The following SEM1 variants were observed in gnomAD, a reference collection of about 807,000 sequenced individuals.
SEM1 encodes the protein SEM1 26S proteasome subunit.
A neutral mutation model predicts 12.7 loss-of-function variants in SEM1; 3 were observed. That is an observed-to-expected ratio of 0.24 (90% CI 0.11 to 0.61). The LOEUF (loss-of-function observed/expected upper bound fraction) is 0.61. Among genes scored for constraint, SEM1 ranks in the 20% least tolerant of loss-of-function variants. The pLI is 0.88. For synonymous variants in SEM1, 30 were observed against 27.8 expected (o/e 1.08, Z -0.25); for missense variants, 59 against 81.3 (o/e 0.73, Z 1.06).
chr7:96,701,954 T>C (rs1399580311), intron 1 of SEM1, among the ~76,000 whole-genome samples: 1 of 152,028 alleles, frequency 6.6e-6, no homozygotes, highest in African/African-American at 2.4e-5. Flanking sequence ...AGGGGCAGCA[T>C]GGTGTGGCTG....
intron 2 of SEM1, among the ~76,000 whole-genome samples, chr7:96,604,271 C>A (rs1807277814): frequency 6.6e-6 from 1 of 152,124 alleles, no homozygotes; most frequent in South Asian, 2.1e-4. Flanking sequence ...ATGATAGGGA[C>A]ATGAGACTTT....
intron 2 of SEM1, among the ~76,000 whole-genome samples, chr7:96,579,144 A>G (rs182501562): frequency 1.1e-4 from 16 of 152,314 alleles, no homozygotes; most frequent in Admixed American, 9.8e-4. Context: ...AACTACCATG[A>G]TGAGATTCCA....
chr7:96,652,310 TGA>T (rs1809025853), intron 2 of SEM1, among the ~76,000 whole-genome samples: 1 of 152,094 alleles, frequency 6.6e-6, no homozygotes, highest in Non-Finnish European at 1.5e-5. Flanking sequence ...ATTTGTTAAA[TGA>T]GAGTGTGTTT....
At chr7:96,485,922 ATG>A (rs1371148437) in intron 2 of SEM1, among the ~76,000 whole-genome samples, 1 of 152,088 alleles carries the variant, frequency 6.6e-6, no homozygotes, top group Non-Finnish European at 1.5e-5. Flanking sequence ...ATGGATTATA[ATG>A]TGGACTTTTT....
At chr7:96,554,861 C>A (rs546060376) in intron 2 of SEM1, among the ~76,000 whole-genome samples, 24 of 150,518 alleles carry the variant, frequency 1.6e-4, no homozygotes, top group South Asian at 4.3e-4. Context: ...TTGATTATTG[C>A]CACAATTTCA....
intron 2 of SEM1, among the ~76,000 whole-genome samples, chr7:96,538,949 A>G (rs1239562830): frequency 6.6e-6 from 1 of 151,888 alleles, no homozygotes; most frequent in African/African-American, 2.4e-5. Flanking sequence ...TTTCAATGTG[A>G]GAACCTGCTA....
chr7:96,675,845 C>T (rs1274438640), intron 2 of SEM1, among the ~76,000 whole-genome samples: 1 of 152,204 alleles, frequency 6.6e-6, no homozygotes, highest in Admixed American at 6.5e-5. Context: ...GAGTTAAAGC[C>T]TCAATAGACT....
chr7:96,588,487 A>G (rs560142517), intron 2 of SEM1, among the ~76,000 whole-genome samples: 1 of 106,616 alleles, frequency 9.4e-6, no homozygotes, highest in African/African-American at 2.7e-5. Context: ...TGATAGGTAT[A>G]TTATTTGATA....
chr7:96,684,643 G>A (rs375430501), downstream of SEM1, among the ~76,000 whole-genome samples: 66 of 152,182 alleles, frequency 4.3e-4, no homozygotes, highest in African/African-American at 1.5e-3. Flanking sequence ...TATATTTTTG[G>A]CTTAAACAAT....
At chr7:96,662,078 T>C (rs1395683400) in intron 2 of SEM1, among the ~76,000 whole-genome samples, 1 of 145,840 alleles carries the variant, frequency 6.9e-6, no homozygotes, top group African/African-American at 2.6e-5. Context: ...TTGCTGGGAG[T>C]GTAAATTAGT....
intron 2 of SEM1, among the ~76,000 whole-genome samples, chr7:96,519,002 C>T (rs530823973): frequency 1.8e-4 from 27 of 152,234 alleles, no homozygotes; most frequent in African/African-American, 6.0e-4. Context: ...TTCCATGTAA[C>T]ACACATGTGC....
At chr7:96,517,938 G>A (rs1260565978) in intron 2 of SEM1, among the ~76,000 whole-genome samples, 1 of 152,110 alleles carries the variant, frequency 6.6e-6, no homozygotes, top group Non-Finnish European at 1.5e-5. Context: ...TAGATGGAGA[G>A]GCATACTTGC....
intron 2 of SEM1, among the ~76,000 whole-genome samples, chr7:96,518,766 T>C (rs1434941572): frequency 6.6e-6 from 1 of 152,154 alleles, no homozygotes; most frequent in Non-Finnish European, 1.5e-5. Flanking sequence ...TGAGGTGATG[T>C]TTTATATCAT....
chr7:96,487,163 A>G (rs926260704), intron 1 of SEM1, among the ~76,000 whole-genome samples: 1 of 141,558 alleles, frequency 7.1e-6, no homozygotes, highest in African/African-American at 3.2e-5. Flanking sequence ...CTGAGGTGCA[A>G]CTTTTAAGGG....
At chr7:96,594,016 T>C (rs1806918541) in intron 2 of SEM1, among the ~76,000 whole-genome samples, 1 of 152,154 alleles carries the variant, frequency 6.6e-6, no homozygotes. Flanking sequence ...AATCAATAGA[T>C]ATAGTATTAG....
At chr7:96,630,540 C>T (rs1808217487) in intron 2 of SEM1, among the ~76,000 whole-genome samples, 1 of 152,166 alleles carries the variant, frequency 6.6e-6, no homozygotes, top group Admixed American at 6.5e-5. Context: ...AGGCTCCCCT[C>T]TGGCCCAGGG....
At chr7:96,594,134 A>G (rs1276883896) in intron 2 of SEM1, among the ~76,000 whole-genome samples, 1 of 152,156 alleles carries the variant, frequency 6.6e-6, no homozygotes, top group Non-Finnish European at 1.5e-5. Context: ...TGCTGTTATA[A>G]TTAGTGAGAT....
At chr7:96,633,303 G>A (rs1808330118) in intron 2 of SEM1, among the ~76,000 whole-genome samples, 1 of 152,052 alleles carries the variant, frequency 6.6e-6, no homozygotes, top group Non-Finnish European at 1.5e-5. Flanking sequence ...TATATATAGG[G>A]TAGCAACTGC....
intron 3 of SEM1, chr7:96,484,079 T>G: frequency 1.7e-6 from 2 of 1,196,436 alleles, no homozygotes; most frequent in Non-Finnish European, 2.3e-6. Context: ...AACAACCCTA[T>G]AGGGTAGATC....
Sources: allele counts gnomAD v4.1 joint callset (sites outside exome capture counted in the v4.1 genomes callset), GRCh38; gene constraint gnomAD v4.1.1; transcripts MANE v1.5; gene names NCBI Gene and HGNC (gene_info 2026-07-23, HGNC 2026-07-21).